SYNGR1: variants seen among roughly 807,000 people sequenced by gnomAD.
SYNGR1 encodes synaptogyrin-1.
SYNGR1 carries 14 observed loss-of-function variants against 26.1 expected under a neutral mutation model. The observed-to-expected ratio is 0.54, with a 90% CI of 0.35 to 0.84. The LOEUF (loss-of-function observed/expected upper bound fraction) is 0.84, where lower values mean the gene tolerates loss of function less well. Ranked by LOEUF, SYNGR1 falls within the 40% of genes least tolerant of loss-of-function variation. The pLI, the probability that SYNGR1 is intolerant of heterozygous loss-of-function variation, is 0.01. For synonymous variants in SYNGR1, 141 were observed against 150.1 expected, an observed-to-expected ratio of 0.94 and a Z score of 0.44; for missense variants, 319 against 332.9, an observed-to-expected ratio of 0.96 and a Z score of 0.33.
intron 1 of SYNGR1, among the ~76,000 whole-genome samples, chr22:39,351,149 C>G (rs1253467475): frequency 1.3e-5 from 2 of 152,176 alleles, no homozygotes; most frequent in Non-Finnish European, 2.9e-5. Flanking sequence ...CCCAGAAACT[C>G]CCACTCGAGG....
At chr22:39,367,723 T>C (rs897344012) in intron 1 of SYNGR1, among the ~76,000 whole-genome samples, 7 of 149,258 alleles carry the variant, frequency 4.7e-5, no homozygotes, top group Non-Finnish European at 1.0e-4. Context: ...CTTGGGAGGC[T>C]GAGGCAGGAG....
At chr22:39,377,683 A>C in intron 3 of SYNGR1, 1 of 1,613,730 alleles carries the variant, frequency 6.2e-7, no homozygotes, top group Non-Finnish European at 8.5e-7. Context: ...GCCTCGGCAC[A>C]GCCGTAGGCC....
chr22:39,355,132 C>T (rs1015851496), intron 1 of SYNGR1, among the ~76,000 whole-genome samples: 2 of 152,182 alleles, frequency 1.3e-5, no homozygotes, highest in African/African-American at 4.8e-5. Context: ...AAGCACTGTC[C>T]CAGAGGCTCG....
intron 3 of SYNGR1, among the ~76,000 whole-genome samples, chr22:39,380,616 CTTTTTTT>C (rs58877789): frequency 7.1e-5 from 5 of 69,976 alleles, no homozygotes; most frequent in Non-Finnish European, 1.0e-4. Flanking sequence ...CCAAGCTGGC[CTTTTTTT>C]TTTTTTTTTT....
At chr22:39,353,949 T>G (rs1036697891) in intron 1 of SYNGR1, among the ~76,000 whole-genome samples, 46 of 152,152 alleles carry the variant, frequency 3.0e-4, no homozygotes, top group African/African-American at 1.1e-3. Context: ...CTGCAACCTC[T>G]GCCTCCTGGT....
intron 2 of SYNGR1, chr22:39,374,854 C>G (rs1017326612): frequency 2.1e-6 from 1 of 468,070 alleles, no homozygotes; most frequent in South Asian, 2.1e-5. Context: ...TGGGTTGGCC[C>G]GTGTTTCAGT....
chr22:39,374,805 A>C, intron 2 of SYNGR1: 1 of 561,760 alleles, frequency 1.8e-6, no homozygotes, highest in African/African-American at 1.9e-5. Flanking sequence ...TTCTAGTCTA[A>C]GGGACCCATG....
chr22:39,377,336 C>T (rs555176602), intron 3 of SYNGR1: 7 of 985,324 alleles, frequency 7.1e-6, no homozygotes, highest in Non-Finnish European at 8.4e-6. Context: ...TGCTCCACCC[C>T]TCAGTGTCCT....
At chr22:39,364,045 G>T in intron 1 of SYNGR1, 2 of 1,342,590 alleles carry the variant, frequency 1.5e-6, no homozygotes, top group South Asian at 2.6e-5. Context: ...CTGAGCCTTC[G>T]TTAGCCGACG....
chr22:39,374,791 T>G, intron 2 of SYNGR1: 6 of 575,870 alleles, frequency 1.0e-5, no homozygotes, highest in Middle Eastern at 4.4e-4. Flanking sequence ...GGGATTCTAG[T>G]TCCTTCTAGT....
chr22:39,359,811 G>C (rs1157449334), intron 1 of SYNGR1, among the ~76,000 whole-genome samples: 1 of 151,898 alleles, frequency 6.6e-6, no homozygotes, highest in Admixed American at 6.6e-5. Context: ...TCACCAGCTG[G>C]ACCCTAGCTA....
At chr22:39,378,520 A>G (rs6519190) in intron 3 of SYNGR1, 657,203 of 966,266 alleles carry the variant, frequency 0.68, 224,047 homozygotes, top group East Asian at 0.96. Flanking sequence ...TTCCTGCTTG[A>G]GGCCCCCAGC....
intron 3 of SYNGR1, among the ~76,000 whole-genome samples, chr22:39,379,028 C>T (rs540292395): frequency 4.3e-4 from 65 of 152,336 alleles, no homozygotes; most frequent in Non-Finnish European, 8.1e-4. Flanking sequence ...AGCCAGGGAG[C>T]TCGGGGAGAA....
At chr22:39,376,840 A>T (rs892963960) in intron 3 of SYNGR1, among the ~76,000 whole-genome samples, 1 of 152,244 alleles carries the variant, frequency 6.6e-6, no homozygotes, top group Non-Finnish European at 1.5e-5. Flanking sequence ...GAATTTTTAC[A>T]TGAAATCTGA....
intron 3 of SYNGR1, among the ~76,000 whole-genome samples, 178 bp from the exon 4 acceptor site, chr22:39,381,518 G>A (rs4821890): frequency 0.64 from 97,903 of 151,892 alleles, 32,253 homozygotes; most frequent in East Asian, 0.93. Flanking sequence ...GGGTGGCTGC[G>A]AGAACAGCCT....
rs182732147 is a variant in SYNGR1, at chr22:39,368,495, G to A, written c.100-5821G>A. ...TGTGACCTGTGATGAATGCCTGACCGAGGCGGGTGTCTGCTGGGGCCATAC... is the reference window on the plus strand; with the variant it reads ...TGTGACCTGTGATGAATGCCTGACCAAGGCGGGTGTCTGCTGGGGCCATAC... On this transcript the variant is annotated intron_variant, in intron 1 of 3. Coordinates refer to ENST00000328933, the MANE Select transcript of SYNGR1 (RefSeq NM_004711.5). Among the ~76,000 whole-genome samples, 124 of 152,344 alleles carry A rather than the reference G, an allele frequency of 8.1e-4. 2 individuals are homozygous for A. The East Asian group carries it at 0.01, about 12-fold the overall frequency.
At chr22:39,377,568 A>G in intron 3 of SYNGR1, 1 of 1,610,170 alleles carries the variant, frequency 6.2e-7, no homozygotes, top group South Asian at 1.1e-5. Context: ...GCTCTTCCCC[A>G]CTGGCCTCAC....
rs1601645658 is a variant in SYNGR1 at position 39,350,508 on chromosome 22, T to C, written c.99+399T>C. Among the ~76,000 whole-genome samples, 1 of 150,628 alleles carries C rather than the reference T, an allele frequency of 6.6e-6. No individual in the cohort carries two copies. Among genetic ancestry groups the C allele is most frequent in the African/African-American group, 2.4e-5 (1 of 40,862 alleles). On this transcript the variant is annotated intron_variant, in intron 1 of 3. Coordinates refer to ENST00000328933, the MANE Select transcript of SYNGR1 (RefSeq NM_004711.5). This position sits in a 1 kb window ranked among gnomAD's most constrained non-coding sequence, Gnocchi z 4.3. ...GTTTAAGGTGGCCTTTTTTGGGGGG[T>C]GGATCAGGGCGTGGACCATCTCGGT...
At chr22:39,375,695 C>G (rs545373976) in intron 2 of SYNGR1, 1 of 586,220 alleles carries the variant, frequency 1.7e-6, no homozygotes, top group African/African-American at 1.9e-5. Context: ...TGTGGCTGGA[C>G]ATGGGGGTTT....
Sources: gnomAD v4.1 joint callset for allele counts (sites outside exome capture counted in the v4.1 genomes callset) on GRCh38, gnomAD v4.1.1 for gene constraint, Gnocchi (gnomAD v3.1) non-coding constraint, MANE v1.5 for transcripts, NCBI Gene and HGNC (gene_info 2026-07-23, HGNC 2026-07-21) for gene names.